The following ATAD1 variants were observed in gnomAD, a reference collection of about 807,000 sequenced individuals.
ATAD1 encodes the protein ATPase family AAA domain containing 1.
Under a neutral mutation model 42.7 loss-of-function variants are expected in ATAD1, and 18 were observed. The ratio of observed to expected loss-of-function variants is 0.42; its 90% CI spans 0.29 to 0.63. The LOEUF is 0.63. ATAD1 is among the 20% of genes least tolerant of loss of function. ATAD1 has a pLI of 0.19. For synonymous variants in ATAD1, 132 were observed against 143.1 expected (o/e 0.92, Z 0.55); for missense variants, 294 against 440.4 (o/e 0.67, Z 2.98).
chr10:87,804,605 G>A (rs1338330600), intron 2 of ATAD1, among the ~76,000 whole-genome samples: 1 of 152,022 alleles, frequency 6.6e-6, no homozygotes, highest in Non-Finnish European at 1.5e-5. Flanking sequence ...CCTGACCTCA[G>A]GTGATCCACC....
intron 3 of ATAD1, 35 bp downstream of exon 3, chr10:87,792,622 C>T: frequency 1.5e-6 from 2 of 1,355,212 alleles, no homozygotes; most frequent in Non-Finnish European, 2.1e-6. Flanking sequence ...ACCCCCACCT[C>T]TAAAAAAATC....
Position 87,783,455 on chromosome 10 carries a change from T to A in ATAD1, c.583+1015A>T, listed in dbSNP as rs1398209183. Among the ~76,000 whole-genome samples the A allele has an allele frequency of 3.3e-5, 5 of 151,922 alleles. No individual in the cohort carries two copies. The South Asian group carries it at 6.2e-4, about 19-fold the overall frequency. ...AAAACACCAAAATAACTGGAGTAAA[T>A]TGATGAGAAAAGATACATAAAGCAA... On this transcript the variant is annotated intron_variant, in intron 5 of 9. Transcript: ENST00000680024.
chr10:87,756,566 T>A (rs555578347), intron 9 of ATAD1, among the ~76,000 whole-genome samples: 4 of 152,330 alleles, frequency 2.6e-5, no homozygotes, highest in African/African-American at 9.6e-5. Flanking sequence ...GAAATTCACC[T>A]TTTTTCTCCT....
At chr10:87,818,334 A>G (rs1857533058), upstream of ATAD1, 1 of 887,266 alleles carries the variant, frequency 1.1e-6, no homozygotes, top group South Asian at 5.2e-5. Flanking sequence ...AGGCTTAGAA[A>G]CAGTGAGGGA....
At chr10:87,835,395 C>T (rs1283930457) in intron 1 of ATAD1, among the ~76,000 whole-genome samples, 5 of 152,230 alleles carry the variant, frequency 3.3e-5, no homozygotes, top group African/African-American at 1.2e-4. Context: ...ATGATTCACA[C>T]ATTTTATAAT....
At chr10:87,786,447 G>C (rs1175119004) in intron 4 of ATAD1, among the ~76,000 whole-genome samples, 101 of 152,142 alleles carry the variant, frequency 6.6e-4, no homozygotes, top group Non-Finnish European at 8.8e-5. Flanking sequence ...CTTTTTAGCA[G>C]GATTAAGTTT....
At position 87,774,807 on chromosome 10, in the gene ATAD1, G is replaced by A. The variant is rs1343830143; in HGVS notation, c.690+1514C>T. On this transcript the variant is annotated intron_variant, in intron 6 of 9. Transcript: ENST00000680024. ...CTCTACAAAAAAAACACCAAAATTA[G>A]CCAGGTGTGGTGGCGTGCACCTGTA... 4.6e-5 allele frequency among the ~76,000 whole-genome samples: 7 copies of A among 152,150 alleles called. No individual in the cohort carries two copies. In the East Asian group the frequency reaches 1.4e-3, roughly 29 times the overall value.
At chr10:87,802,634 CTA>C (rs2132006219) in intron 2 of ATAD1, among the ~76,000 whole-genome samples, 1 of 147,206 alleles carries the variant, frequency 6.8e-6, no homozygotes, top group East Asian at 2.0e-4. Context: ...CAGAGCAAGA[CTA>C]TGTCACGAAA....
chr10:87,789,598 T>C (rs1379742258), intron 4 of ATAD1, among the ~76,000 whole-genome samples: 2 of 152,174 alleles, frequency 1.3e-5, no homozygotes, highest in African/African-American at 4.8e-5. Flanking sequence ...GGCACATGCC[T>C]GTGGTCCCAG....
At position 87,784,680 on chromosome 10, in the gene ATAD1, A is replaced by C; in HGVS notation, c.383-10T>G. 1.2e-5 allele frequency: 19 copies of C among 1,610,372 alleles called. No individual in the cohort carries two copies. Among genetic ancestry groups the C allele is most frequent in the Admixed American group, 1.7e-5 (1 of 59,940 alleles). On this transcript the variant is annotated splice_polypyrimidine_tract_variant and intron_variant, in intron 4 of 9. Transcript: ENST00000680024. ...CCATAGAGAAGAACACCTGGAAATG[A>C]ATATGTTATTTATTACCTTTAAGGG... is the stretch of plus-strand genomic sequence containing the variant.
intron 1 of ATAD1, among the ~76,000 whole-genome samples, chr10:87,839,705 T>TC (rs973492935): frequency 2.4e-4 from 37 of 151,950 alleles, no homozygotes; most frequent in African/African-American, 5.3e-4. Context: ...CTTTCTTTCT[T>TC]CCCCCCCGCC....
intron 2 of ATAD1, among the ~76,000 whole-genome samples, chr10:87,810,492 A>C (rs12780237): frequency 0.3 from 46,070 of 151,832 alleles, 7,201 homozygotes; most frequent in African/African-American, 0.32. Context: ...CCCTGTAGTT[A>C]TATCATATTT....
intron 5 of ATAD1, among the ~76,000 whole-genome samples, chr10:87,780,653 C>A (rs1307172387): frequency 6.6e-6 from 1 of 151,896 alleles, no homozygotes; most frequent in Admixed American, 6.6e-5. Context: ...AAAAAAAATC[C>A]CAGAGTTCAG....
At chr10:87,759,355 A>T (rs576503776) in intron 8 of ATAD1, among the ~76,000 whole-genome samples, 7 of 149,846 alleles carry the variant, frequency 4.7e-5, no homozygotes, top group South Asian at 2.1e-4. Context: ...GTACTTAATT[A>T]AAAAAAAAAT....
At chr10:87,805,852 A>C (rs953852073) in intron 2 of ATAD1, among the ~76,000 whole-genome samples, 1 of 151,924 alleles carries the variant, frequency 6.6e-6, no homozygotes, top group Non-Finnish European at 1.5e-5. Flanking sequence ...CACCAAATGG[A>C]AATTACTCTC....
At position 87,752,998 on chromosome 10, in the gene ATAD1, T is replaced by C. The variant is rs1393457161; in HGVS notation, c.*1689A>G. The C allele has an allele frequency of 2.0e-5, 3 of 152,136 alleles. No individual in the cohort carries two copies. Among genetic ancestry groups the C allele is most frequent in the Non-Finnish European group, 4.4e-5 (3 of 68,012 alleles). The allele number at this position is 152,136 out of a possible 1,614,324, so 9.4% of individuals were successfully genotyped here. On this transcript the variant is annotated 3_prime_UTR_variant, in exon 10 of 10. Transcript: ENST00000680024. ...TGACTAGATACTAGGATATGTGCTA[T>C]AGAAGTGTGAAAACTCCATAGCAAG...
At chr10:87,798,539 C>A (rs571595768) in intron 2 of ATAD1, among the ~76,000 whole-genome samples, 11 of 150,024 alleles carry the variant, frequency 7.3e-5, no homozygotes, top group Admixed American at 5.3e-4. Context: ...CTGTTTGGAT[C>A]TAACAGGTTT....
rs1589505978 is a variant in ATAD1, at chr10:87,785,658, T to C, written c.383-988A>G. On this transcript the variant is annotated intron_variant, in intron 4 of 9. Coordinates refer to ENST00000680024, the MANE Select transcript of ATAD1 (RefSeq NM_001321967.2). ...TGGAGGAGTCCAAAATTTTCTTATATATAATAAAAATAAAATTCAAAATGA... is the reference window on the plus strand; with the variant it reads ...TGGAGGAGTCCAAAATTTTCTTATACATAATAAAAATAAAATTCAAAATGA... Among the ~76,000 whole-genome samples, 5 of 150,554 alleles carry C rather than the reference T, an allele frequency of 3.3e-5. 1 individual carries two copies. The highest frequency in any genetic ancestry group is 3.3e-4 in the Admixed American group (5 of 15,142).
At chr10:87,802,073 C>G (rs983738722) in intron 2 of ATAD1, among the ~76,000 whole-genome samples, 1 of 152,154 alleles carries the variant, frequency 6.6e-6, no homozygotes, top group African/African-American at 2.4e-5. Flanking sequence ...TACCTGATTT[C>G]TCTAGAATTT....
Sources: gnomAD v4.1 joint callset for allele counts (sites outside exome capture counted in the v4.1 genomes callset) on GRCh38, gnomAD v4.1.1 for gene constraint, MANE v1.5 for transcripts, NCBI Gene and HGNC (gene_info 2026-07-23, HGNC 2026-07-21) for gene names.